MSRA: variants seen among roughly 807,000 people sequenced by gnomAD.
The protein encoded by MSRA is methionine sulfoxide reductase A, also known as mitochondrial peptide methionine sulfoxide reductase.
MSRA carries 54 observed loss-of-function variants against 31.3 expected under a neutral mutation model. The ratio of observed to expected loss-of-function variants is 1.73; its 90% CI spans 1.39 to 2.17. The LOEUF (loss-of-function observed/expected upper bound fraction) is 2.17, where lower values mean the gene tolerates loss of function less well. Ranked by LOEUF, MSRA falls within the 30% of genes most tolerant of loss-of-function variation. MSRA has a pLI of 0.00. For missense variants in MSRA, 507 were observed against 300.9 expected (o/e 1.69, Z -5.07); for synonymous variants, 169 against 116.5 (o/e 1.45, Z -2.90).
chr8:10,163,597 A>ACATG (rs1563169577), intron 1 of MSRA, among the ~76,000 whole-genome samples: 1 of 152,274 alleles, frequency 6.6e-6, no homozygotes, highest in Admixed American at 6.5e-5. Flanking sequence ...TAAAGCCAGC[A>ACATG]CATGTCTGGA....
At chr8:10,380,621 T>G (rs1404171222) in intron 5 of MSRA, among the ~76,000 whole-genome samples, 1 of 152,206 alleles carries the variant, frequency 6.6e-6, no homozygotes, top group Non-Finnish European at 1.5e-5. Context: ...TTTTCTAGAC[T>G]GAGGGCCATT....
chr8:10,139,021 G>C (rs1312198769), intron 1 of MSRA, among the ~76,000 whole-genome samples: 3 of 152,176 alleles, frequency 2.0e-5, no homozygotes, highest in Non-Finnish European at 2.9e-5. Context: ...CATTAGGCCA[G>C]TCTGTTCTTT....
chr8:10,353,526 T>G, intron 5 of MSRA: 1 of 446,376 alleles, frequency 2.2e-6, no homozygotes, highest in Non-Finnish European at 4.5e-6. Context: ...GTTGGTCCCC[T>G]GCAGAGCACG....
chr8:10,196,743 T>C (rs1171653877), intron 1 of MSRA, among the ~76,000 whole-genome samples: 2 of 151,840 alleles, frequency 1.3e-5, no homozygotes, highest in East Asian at 3.9e-4. Context: ...ATTTTTTTTT[T>C]TAATTTTTAG....
intron 1 of MSRA, among the ~76,000 whole-genome samples, chr8:10,202,543 C>T (rs146722964): frequency 2.0e-3 from 300 of 152,258 alleles, no homozygotes; most frequent in African/African-American, 6.3e-3. Context: ...TGCCTCTAAG[C>T]GATGAGACTC....
At chr8:10,128,453 C>A (rs992005003) in intron 1 of MSRA, among the ~76,000 whole-genome samples, 3 of 151,994 alleles carry the variant, frequency 2.0e-5, no homozygotes, top group African/African-American at 7.3e-5. Context: ...GGATCATATA[C>A]ATTGCTGGAT....
At chr8:10,378,334 G>T (rs1805867326) in intron 5 of MSRA, among the ~76,000 whole-genome samples, 1 of 152,166 alleles carries the variant, frequency 6.6e-6, no homozygotes. Context: ...GAGACTCATT[G>T]GGTGGGCAGC....
intron 1 of MSRA, among the ~76,000 whole-genome samples, chr8:10,139,111 G>A (rs1802498672): frequency 6.6e-6 from 1 of 152,192 alleles, no homozygotes. Flanking sequence ...TTGTATTTGA[G>A]TGGAAAATGC....
At chr8:10,158,914 C>A (rs926306369) in intron 1 of MSRA, among the ~76,000 whole-genome samples, 7 of 152,180 alleles carry the variant, frequency 4.6e-5, no homozygotes, top group African/African-American at 1.7e-4. Context: ...TTGATTATAG[C>A]CACTCTACTG....
At chr8:10,173,951 C>A (rs1004349125) in intron 1 of MSRA, among the ~76,000 whole-genome samples, 1 of 152,172 alleles carries the variant, frequency 6.6e-6, no homozygotes, top group South Asian at 2.1e-4. Flanking sequence ...TGGCTGAGGT[C>A]AGCATCCACA....
At chr8:10,263,226 C>G (rs1033682737) in intron 3 of MSRA, among the ~76,000 whole-genome samples, 3 of 152,224 alleles carry the variant, frequency 2.0e-5, no homozygotes. Flanking sequence ...ACGAAGTTGC[C>G]TTGCTGACTT....
chr8:10,319,752 C>A, intron 4 of MSRA, 131 bp from the exon 5 acceptor site: 1 of 448,296 alleles, frequency 2.2e-6, no homozygotes, highest in Non-Finnish European at 3.9e-6. Flanking sequence ...AAAATTAAAA[C>A]AAGCACTTAG....
chr8:10,320,179 T>A, intron 5 of MSRA, 190 bp downstream of exon 5: 1 of 435,960 alleles, frequency 2.3e-6, no homozygotes, highest in Non-Finnish European at 4.1e-6. Context: ...GTTTTAAGAG[T>A]AGGCCTGGGC....
intron 5 of MSRA, among the ~76,000 whole-genome samples, chr8:10,389,963 C>T (rs1004523176): frequency 6.6e-6 from 1 of 152,164 alleles, no homozygotes; most frequent in Non-Finnish European, 1.5e-5. Context: ...TGAGCCCACT[C>T]CCTGCATGGC....
chr8:10,338,569 A>G (rs760126466), intron 5 of MSRA, among the ~76,000 whole-genome samples: 3 of 152,252 alleles, frequency 2.0e-5, no homozygotes, highest in Non-Finnish European at 4.4e-5. Flanking sequence ...TCTACATTGT[A>G]TGCATATATT....
chr8:10,074,436 A>G (rs957768755), intron 1 of MSRA, among the ~76,000 whole-genome samples: 1 of 152,056 alleles, frequency 6.6e-6, no homozygotes, highest in Non-Finnish European at 1.5e-5. Context: ...CTTTCACTGA[A>G]AAGAGTGGGA....
chr8:10,292,418 C>T (rs753230582), intron 3 of MSRA, among the ~76,000 whole-genome samples: 2 of 152,228 alleles, frequency 1.3e-5, no homozygotes, highest in African/African-American at 2.4e-5. Context: ...CAGGTTGCAC[C>T]GCATGGGACT....
chr8:10,058,534 A>G (rs181864193), intron 1 of MSRA, among the ~76,000 whole-genome samples: 2 of 152,320 alleles, frequency 1.3e-5, no homozygotes, highest in East Asian at 1.9e-4. Flanking sequence ...TGAAAGAGTT[A>G]CCTCCTCTCA....
intron 5 of MSRA, among the ~76,000 whole-genome samples, chr8:10,414,700 A>C (rs1263570430): frequency 6.6e-6 from 1 of 152,220 alleles, no homozygotes; most frequent in African/African-American, 2.4e-5. Flanking sequence ...AACCTTTTGG[A>C]ATGAAGGCTC....
Sources: gnomAD v4.1 joint callset for allele counts (sites outside exome capture counted in the v4.1 genomes callset) on GRCh38, gnomAD v4.1.1 for gene constraint, MANE v1.5 for transcripts, NCBI Gene and HGNC (gene_info 2026-07-23, HGNC 2026-07-21) for gene names.